RBMS3: variants seen among roughly 807,000 people sequenced by gnomAD.
RBMS3 encodes RNA binding motif single stranded interacting protein 3.
In RBMS3, 27 loss-of-function variants were observed where a neutral mutation model predicts 66.8. That is an observed-to-expected ratio of 0.40 (90% CI 0.30 to 0.56). The LOEUF (loss-of-function observed/expected upper bound fraction) is 0.56. RBMS3 is among the 20% of genes least tolerant of loss of function. RBMS3 has a pLI of 0.40. For missense variants in RBMS3, 513 were observed against 549.5 expected, an observed-to-expected ratio of 0.93 and a Z score of 0.66; for synonymous variants, 188 against 183.0, an observed-to-expected ratio of 1.03 and a Z score of -0.22.
chr3:29,354,125 CCTTA>C (rs1442639431), intron 1 of RBMS3, among the ~76,000 whole-genome samples: 7 of 151,712 alleles, frequency 4.6e-5, no homozygotes, highest in Admixed American at 3.3e-4. Flanking sequence ...TTTAAATTAC[CCTTA>C]CTATTTATTG....
intron 4 of RBMS3, among the ~76,000 whole-genome samples, chr3:29,687,848 A>T (rs1292879667): frequency 6.6e-6 from 1 of 152,186 alleles, no homozygotes; most frequent in Non-Finnish European, 1.5e-5. Context: ...TAGTTGTAGC[A>T]ACTAGCTTCA....
At chr3:29,906,626 A>G (rs1440271593) in intron 10 of RBMS3, among the ~76,000 whole-genome samples, 1 of 152,150 alleles carries the variant, frequency 6.6e-6, no homozygotes, top group Non-Finnish European at 1.5e-5. Context: ...TGTATATACT[A>G]ATTTTATTCA....
At chr3:29,602,687 T>C (rs1334278691) in intron 4 of RBMS3, among the ~76,000 whole-genome samples, 2 of 152,066 alleles carry the variant, frequency 1.3e-5, no homozygotes, top group African/African-American at 4.8e-5. Flanking sequence ...ACAACTATTA[T>C]CTTAGTTCAG....
At chr3:29,533,075 A>G (rs561087461) in intron 3 of RBMS3, among the ~76,000 whole-genome samples, 2 of 152,306 alleles carry the variant, frequency 1.3e-5, no homozygotes, top group African/African-American at 2.4e-5. Flanking sequence ...ATGCCAGTCA[A>G]TTATGAAGTT....
At chr3:29,666,758 T>A (rs1382240137) in intron 4 of RBMS3, among the ~76,000 whole-genome samples, 1 of 152,176 alleles carries the variant, frequency 6.6e-6, no homozygotes, top group African/African-American at 2.4e-5. Context: ...CTGCCAAAAA[T>A]ATTTAATTTT....
chr3:29,921,234 T>G (rs948233640), intron 10 of RBMS3, among the ~76,000 whole-genome samples: 5 of 151,936 alleles, frequency 3.3e-5, no homozygotes, highest in African/African-American at 9.7e-5. Flanking sequence ...GGCTAATTTT[T>G]TGTTTTTTTA....
chr3:29,476,708 C>T (rs2042959697), intron 2 of RBMS3, among the ~76,000 whole-genome samples: 1 of 151,956 alleles, frequency 6.6e-6, no homozygotes, highest in East Asian at 1.9e-4. Flanking sequence ...TTAAAGCTGG[C>T]CTTGATTTTA....
intron 4 of RBMS3, among the ~76,000 whole-genome samples, chr3:29,716,487 C>T (rs189437044): frequency 8.0e-4 from 121 of 152,172 alleles, no homozygotes; most frequent in African/African-American, 2.8e-3. Flanking sequence ...TTCTTTGTGC[C>T]ACCACCCATA....
chr3:29,874,517 A>G (rs2059564751), intron 7 of RBMS3, among the ~76,000 whole-genome samples: 1 of 152,188 alleles, frequency 6.6e-6, no homozygotes, highest in Non-Finnish European at 1.5e-5. Context: ...ATGTCTACCA[A>G]CACTGCCAGG....
chr3:29,808,582 T>C (rs1378974978), intron 6 of RBMS3, among the ~76,000 whole-genome samples: 1 of 151,988 alleles, frequency 6.6e-6, no homozygotes, highest in African/African-American at 2.4e-5. Context: ...GATCTTCTGA[T>C]CAGATATTTA....
At chr3:29,801,901 G>C (rs1379898367) in intron 6 of RBMS3, among the ~76,000 whole-genome samples, 1 of 152,026 alleles carries the variant, frequency 6.6e-6, no homozygotes, top group African/African-American at 2.4e-5. Context: ...CCTATATTTT[G>C]GGGTTGTTGT....
At chr3:30,001,403 CT>C (rs144922687) in intron 14 of RBMS3, among the ~76,000 whole-genome samples, 10 of 151,618 alleles carry the variant, frequency 6.6e-5, no homozygotes, top group Non-Finnish European at 1.5e-4. Context: ...TTCACTGTGC[CT>C]TTTTTTTGAG....
intron 6 of RBMS3, among the ~76,000 whole-genome samples, chr3:29,831,630 G>A (rs2058372104): frequency 6.6e-6 from 1 of 152,058 alleles, no homozygotes; most frequent in East Asian, 1.9e-4. Flanking sequence ...TGCTGACATG[G>A]AAGTTAAAAC....
chr3:29,495,020 C>T (rs9842909), intron 3 of RBMS3, among the ~76,000 whole-genome samples: 1,575 of 148,632 alleles, frequency 0.011, 30 homozygotes, highest in African/African-American at 0.033. Context: ...TTACCTTTGA[C>T]ATAACATTGA....
At chr3:29,592,265 A>G (rs1456271226) in intron 4 of RBMS3, among the ~76,000 whole-genome samples, 1 of 152,092 alleles carries the variant, frequency 6.6e-6, no homozygotes, top group African/African-American at 2.4e-5. Flanking sequence ...GTTATATTCC[A>G]GTAGAAGACT....
At chr3:29,906,826 C>T (rs1181090555) in intron 10 of RBMS3, among the ~76,000 whole-genome samples, 1 of 152,078 alleles carries the variant, frequency 6.6e-6, no homozygotes, top group Non-Finnish European at 1.5e-5. Flanking sequence ...TCTACATCTA[C>T]AAACATGCAT....
At chr3:29,291,540 T>C (rs1390602518) in intron 1 of RBMS3, among the ~76,000 whole-genome samples, 2 of 151,838 alleles carry the variant, frequency 1.3e-5, no homozygotes, top group Non-Finnish European at 2.9e-5. Flanking sequence ...AGAGCTTAAA[T>C]GTAACAGGTG....
At chr3:29,884,089 G>C in intron 7 of RBMS3, 73 bp from the exon 8 acceptor site, 1 of 1,250,596 alleles carries the variant, frequency 8.0e-7, no homozygotes, top group Non-Finnish European at 1.2e-6. Context: ...GAGTCTTTGT[G>C]TGTACTAAAT....
At chr3:29,860,580 A>G (rs1053006354) in intron 6 of RBMS3, among the ~76,000 whole-genome samples, 12 of 152,172 alleles carry the variant, frequency 7.9e-5, no homozygotes, top group African/African-American at 2.9e-4. Context: ...CTATGTCTCT[A>G]TTATAGCAGC....
Sources: gnomAD v4.1 joint callset for allele counts (sites outside exome capture counted in the v4.1 genomes callset) on GRCh38, gnomAD v4.1.1 for gene constraint, MANE v1.5 for transcripts, NCBI Gene and HGNC (gene_info 2026-07-23, HGNC 2026-07-21) for gene names.